Variants in FHAD1 observed in about 807,000 individuals in gnomAD.
The protein encoded by FHAD1 is forkhead associated phosphopeptide binding domain 1.
A neutral mutation model predicts 191.3 loss-of-function variants in FHAD1; 146 were observed. The observed-to-expected ratio is 0.76, with a 90% CI of 0.67 to 0.88. FHAD1 has a LOEUF of 0.88. Among genes scored for constraint, FHAD1 ranks in the 40% least tolerant of loss-of-function variants. FHAD1 has a pLI of 0.00. For missense variants in FHAD1, 1,635 were observed against 1,785.8 expected, an observed-to-expected ratio of 0.92 and a Z score of 1.52; for synonymous variants, 616 against 672.3, an observed-to-expected ratio of 0.92 and a Z score of 1.29.
At chr1:15,256,519 G>C (rs879292773) in intron 2 of FHAD1, among the ~76,000 whole-genome samples, 1 of 151,902 alleles carries the variant, frequency 6.6e-6, no homozygotes, top group East Asian at 1.9e-4. Flanking sequence ...CGGGTGTGGT[G>C]GTGCACACCT....
At chr1:15,304,344 T>C (rs1558055370) in intron 6 of FHAD1, among the ~76,000 whole-genome samples, 1 of 152,242 alleles carries the variant, frequency 6.6e-6, no homozygotes, top group Admixed American at 6.5e-5. Context: ...ATGCCAATTA[T>C]AGACAATATG....
chr1:15,266,621 G>T (rs1653640634), intron 2 of FHAD1, among the ~76,000 whole-genome samples: 1 of 151,998 alleles, frequency 6.6e-6, no homozygotes, highest in Non-Finnish European at 1.5e-5. Flanking sequence ...TTTACATTAG[G>T]ATTCATTCTT....
chr1:15,395,574 T>C (rs1705663126), intron 33 of FHAD1, among the ~76,000 whole-genome samples: 1 of 152,170 alleles, frequency 6.6e-6, no homozygotes, highest in South Asian at 2.1e-4. Flanking sequence ...AAAGCCCAGC[T>C]GTGCCAAGTG....
At chr1:15,244,397 A>C (rs1425607168), upstream of FHAD1, among the ~76,000 whole-genome samples, 1 of 152,168 alleles carries the variant, frequency 6.6e-6, no homozygotes, top group East Asian at 1.9e-4. The surrounding 1 kb of genome is among the most constrained non-coding windows in gnomAD (Gnocchi z 5.1). Context: ...GGTGAGGGGC[A>C]TGGGCTGTTC....
In FHAD1 at chr1:15,364,777, G is replaced by A. The variant is rs1056412455; in HGVS notation, c.3048-1050G>A. Among the ~76,000 whole-genome samples, 7 of 152,182 alleles carry A rather than the reference G, an allele frequency of 4.6e-5. No homozygotes were observed. In the East Asian group the frequency reaches 9.7e-4, roughly 21 times the overall value. Reference sequence around the variant, plus strand: ...TGCAGCACACACATGACCTATCTCCGCCAGGCTGCAGTTTCTCAACTTGCT... The same window carrying A: ...TGCAGCACACACATGACCTATCTCCACCAGGCTGCAGTTTCTCAACTTGCT... On this transcript the variant is annotated intron_variant, in intron 23 of 33. Transcript: ENST00000688493.
Position 15,312,933 on chromosome 1 carries a change from C to A in FHAD1, c.1040-124C>A. The A allele has an allele frequency of 2.5e-6, 3 of 1,223,430 alleles. No homozygotes were observed. The highest frequency in any genetic ancestry group is 3.4e-6 in the Non-Finnish European group (3 of 879,966). The allele number at this position is 1,223,430 out of a possible 1,614,324, so 75.8% of individuals were successfully genotyped here. The stretch of plus-strand genomic sequence containing the variant: ...GATATTGGTCTCAACCCCATTCAAG[C>A]TCCTGGGATCCTTGGAGACACCTCC... On this transcript the variant is annotated intron_variant, in intron 7 of 33. Transcript: ENST00000688493. This position sits in a 1 kb window ranked among gnomAD's most constrained non-coding sequence, Gnocchi z 4.7.
intron 32 of FHAD1, among the ~76,000 whole-genome samples, chr1:15,389,989 G>A (rs574776727): frequency 6.6e-6 from 1 of 152,202 alleles, no homozygotes; most frequent in African/African-American, 2.4e-5. Flanking sequence ...AGGCAGGGCG[G>A]CCCTGAGGCA....
intron 6 of FHAD1, among the ~76,000 whole-genome samples, chr1:15,305,447 G>A (rs1670154752): frequency 6.6e-6 from 1 of 152,140 alleles, no homozygotes; most frequent in Non-Finnish European, 1.5e-5. Flanking sequence ...CTAAAGCCTG[G>A]ATTTGGATCG....
chr1:15,253,701 GT>G (rs1318812933), intron 2 of FHAD1, among the ~76,000 whole-genome samples: 3 of 152,140 alleles, frequency 2.0e-5, no homozygotes, highest in Non-Finnish European at 4.4e-5. Context: ...CTTTCTAGAA[GT>G]TTTTTTGTCG....
intron 4 of FHAD1, among the ~76,000 whole-genome samples, chr1:15,294,043 G>A (rs116751610): frequency 9.2e-5 from 14 of 152,238 alleles, no homozygotes; most frequent in South Asian, 6.2e-4. Flanking sequence ...AACTTCCACC[G>A]TGTTTCCCTG....
At chr1:15,323,144 T>C (rs1183378893) in intron 10 of FHAD1, among the ~76,000 whole-genome samples, 2 of 152,086 alleles carry the variant, frequency 1.3e-5, no homozygotes, top group Admixed American at 6.6e-5. Flanking sequence ...GGAGATACAA[T>C]TGAAGTTGAG....
At chr1:15,341,965 T>A (rs771897273) in intron 16 of FHAD1, 77 bp downstream of exon 16, 27 of 1,307,760 alleles carry the variant, frequency 2.1e-5, no homozygotes, top group Non-Finnish European at 2.8e-5. Context: ...TGAGGGCATG[T>A]ACTTAGACAG....
intron 3 of FHAD1, among the ~76,000 whole-genome samples, chr1:15,273,320 CT>C (rs1349753272): frequency 2.0e-5 from 3 of 151,902 alleles, no homozygotes; most frequent in Non-Finnish European, 4.4e-5. Flanking sequence ...AACTATGCTG[CT>C]TTTTTTTAAA....
chr1:15,357,316 T>C (rs558800492), intron 20 of FHAD1, among the ~76,000 whole-genome samples: 1 of 152,258 alleles, frequency 6.6e-6, no homozygotes, highest in South Asian at 2.1e-4. Context: ...CAGAATAGAA[T>C]GTTGACTATG....
intron 14 of FHAD1, among the ~76,000 whole-genome samples, chr1:15,333,210 C>T (rs1441779603): frequency 2.6e-5 from 4 of 152,124 alleles, no homozygotes; most frequent in African/African-American, 7.2e-5. Context: ...TTACGTCAAG[C>T]GCCCAAAAGA....
chr1:15,249,497 G>C (rs948660338), intron 1 of FHAD1, among the ~76,000 whole-genome samples: 7 of 152,054 alleles, frequency 4.6e-5, no homozygotes, highest in African/African-American at 1.7e-4. Flanking sequence ...GGTTCTTTTG[G>C]AAAAAGAAGT....
At chr1:15,248,011 T>TG (rs1339980667) in intron 1 of FHAD1, among the ~76,000 whole-genome samples, 1 of 151,620 alleles carries the variant, frequency 6.6e-6, no homozygotes, top group Non-Finnish European at 1.5e-5. Flanking sequence ...AAGATTAAAG[T>TG]GGGGAAATAG....
chr1:15,261,760 T>G (rs1253037180), intron 2 of FHAD1, among the ~76,000 whole-genome samples: 1 of 152,156 alleles, frequency 6.6e-6, no homozygotes, highest in African/African-American at 2.4e-5. Context: ...CCCAGCTTGT[T>G]CTGTTTCTGC....
At chr1:15,254,795 C>A (rs1173910421) in intron 2 of FHAD1, among the ~76,000 whole-genome samples, 1 of 152,086 alleles carries the variant, frequency 6.6e-6, no homozygotes, top group Admixed American at 6.6e-5. Flanking sequence ...TTTTAATGGG[C>A]TTTTATATCT....
Sources: allele counts gnomAD v4.1 joint callset (sites outside exome capture counted in the v4.1 genomes callset), GRCh38; gene constraint gnomAD v4.1.1; non-coding constraint Gnocchi (gnomAD v3.1); transcripts MANE v1.5; gene names NCBI Gene and HGNC (gene_info 2026-07-23, HGNC 2026-07-21).